Variants in PLXNA4 observed in about 807,000 individuals in gnomAD.
The protein encoded by PLXNA4 is plexin A4.
In PLXNA4, 44 loss-of-function variants were observed where a neutral mutation model predicts 191.8. That is an observed-to-expected ratio of 0.23 (90% confidence interval 0.18 to 0.29). The LOEUF is 0.29. Among genes scored for constraint, PLXNA4 ranks in the 10% least tolerant of loss-of-function variants. The pLI, the probability that PLXNA4 is intolerant of heterozygous loss-of-function variation, is 1.00. For missense variants in PLXNA4, 1,800 were observed against 2,488.8 expected (o/e 0.72, Z 5.89); for synonymous variants, 1,082 against 1,009.5 (o/e 1.07, Z -1.36).
At chr7:132,581,282 A>G (rs970693959), upstream of PLXNA4, among the ~76,000 whole-genome samples, 1 of 152,218 alleles carries the variant, frequency 6.6e-6, no homozygotes, top group African/African-American at 2.4e-5. Flanking sequence ...GTGTCACCAC[A>G]GGGCCTACTA....
chr7:132,311,272 T>A, intron 3 of PLXNA4, among the ~76,000 whole-genome samples: 1 of 151,260 alleles, frequency 6.6e-6, no homozygotes, highest in South Asian at 2.1e-4. Context: ...CATGGAAAAC[T>A]GAGAATCTCA....
chr7:132,228,176 T>TC (rs560670132), intron 6 of PLXNA4, among the ~76,000 whole-genome samples, 170 bp downstream of exon 6: 2 of 152,066 alleles, frequency 1.3e-5, no homozygotes, highest in African/African-American at 2.4e-5. Flanking sequence ...CCTTCTTGCA[T>TC]CCCCCCGTAG....
rs189540472 is a variant in PLXNA4, at chr7:132,207,159, T to C, written c.2299-3740A>G. On this transcript the variant is annotated intron_variant, in intron 10 of 31. Coordinates refer to ENST00000321063, the MANE Select transcript of PLXNA4 (RefSeq NM_020911.2). ...TAATGCCACACAAGAAGCTGGTATG[T>C]ACACTGTGTCCATCTCTAGTCCAGA... Among the ~76,000 whole-genome samples the C allele has an allele frequency of 2.4e-3, 362 of 152,362 alleles. 5 individuals carry two copies. The highest frequency in any genetic ancestry group is 8.2e-3 in the African/African-American group (343 of 41,592).
Position 132,193,541 on chromosome 7 carries a change from G to A in PLXNA4, c.2856+521C>T, listed in dbSNP as rs111681332. On this transcript the variant is annotated intron_variant, in intron 14 of 31. Coordinates refer to ENST00000321063, the MANE Select transcript of PLXNA4 (RefSeq NM_020911.2). The stretch of plus-strand genomic sequence containing the variant: ...AGGCCAGAAAATGGAAGCAATGGTG[G>A]CAACCACAGAAATAATAAAACAAAT... 1.8e-3 allele frequency among the ~76,000 whole-genome samples: 277 copies of A among 152,302 alleles called. 2 individuals are homozygous for A. Among genetic ancestry groups the A allele is most frequent in the African/African-American group, 6.4e-3 (268 of 41,560 alleles).
intron 20 of PLXNA4, among the ~76,000 whole-genome samples, chr7:132,176,422 T>C (rs1206988032): frequency 1.3e-5 from 2 of 152,090 alleles, no homozygotes; most frequent in Non-Finnish European, 2.9e-5. Context: ...GTGTCCTGAG[T>C]GAGGAACATG....
At chr7:132,192,544 G>C (rs1391847152) in intron 14 of PLXNA4, among the ~76,000 whole-genome samples, 1 of 151,508 alleles carries the variant, frequency 6.6e-6, no homozygotes, top group African/African-American at 2.4e-5. Context: ...ATGGAGGCGA[G>C]GGGTGGGGGT....
intron 3 of PLXNA4, among the ~76,000 whole-genome samples, chr7:132,399,421 T>C (rs997119163): frequency 6.6e-6 from 1 of 152,188 alleles, no homozygotes; most frequent in African/African-American, 2.4e-5. Context: ...GCTTATTTAG[T>C]AAATGTGAAT....
chr7:132,425,837 G>T (rs950601793), intron 3 of PLXNA4, among the ~76,000 whole-genome samples: 4 of 152,312 alleles, frequency 2.6e-5, no homozygotes, highest in Non-Finnish European at 4.4e-5. Context: ...GGAGCTGGGG[G>T]CTCTGGCCTG....
At chr7:132,386,532 A>G (rs144638827) in intron 3 of PLXNA4, among the ~76,000 whole-genome samples, 22 of 152,288 alleles carry the variant, frequency 1.4e-4, no homozygotes, top group Non-Finnish European at 2.5e-4. Context: ...ACATTCGAGT[A>G]AAATCATGCT....
intron 2 of PLXNA4, among the ~76,000 whole-genome samples, chr7:132,492,809 G>C (rs766956676): frequency 1.3e-5 from 2 of 152,190 alleles, no homozygotes; most frequent in African/African-American, 4.8e-5. Context: ...TTATTGGAGC[G>C]ATGGCACCTG....
rs71178032 is a variant in PLXNA4, at chr7:132,252,299, G to GTTT, written c.1504-11136_1504-11134dup. 6.5e-4 allele frequency among the ~76,000 whole-genome samples: 49 copies of GTTT among 75,344 alleles called. 1 individual carries two copies. Among genetic ancestry groups the GTTT allele is most frequent in the African/African-American group, 1.7e-3 (36 of 20,692 alleles). 49.4% of individuals were successfully genotyped at this position (75,344 alleles called of 152,430 possible). On this transcript the variant is annotated intron_variant, in intron 4 of 31. Coordinates refer to ENST00000321063, the MANE Select transcript of PLXNA4 (RefSeq NM_020911.2). ...TTGTTAAAATGACAGCATTCTAAAA[G>GTTT]TTTTTTTTTTTTTTTTTTTTTTTTT...
intron 25 of PLXNA4, among the ~76,000 whole-genome samples, chr7:132,150,217 G>A (rs1795555226): frequency 6.6e-6 from 1 of 152,238 alleles, no homozygotes; most frequent in Non-Finnish European, 1.5e-5. Context: ...AGGGGAAAAT[G>A]CCTCACTGAG....
chr7:132,450,928 G>A (rs985664848), intron 3 of PLXNA4, among the ~76,000 whole-genome samples: 11 of 152,110 alleles, frequency 7.2e-5, no homozygotes, highest in Non-Finnish European at 1.3e-4. Flanking sequence ...CTGCAGGGGT[G>A]GAATCTTTGA....
At position 132,508,602 on chromosome 7, in the gene PLXNA4, G is replaced by T. The variant is rs1480506891; in HGVS notation, c.92C>A (p.Ala31Asp). Residue 31 changes from alanine (A) to aspartate (D), a missense_variant, in exon 2 of 32, where the codon GCC (alanine) becomes GAC (aspartate). Ala to Asp is a moderately radical substitution (Grantham distance 126). Around this residue, in one of 6 missense-constraint regions of PLXNA4, gnomAD observed 1,397 missense variants for 1,880.4 expected, o/e 0.74. Transcript: ENST00000321063. The surrounding 1 kb of genome is among the most constrained non-coding windows in gnomAD (Gnocchi z 4.4). ...TGACCGCTGCTTCTGGGACAGCGGGGCTGGCTGCCGGGTGAGCAAAGTGGA... is the reference window on the plus strand; with the variant it reads ...TGACCGCTGCTTCTGGGACAGCGGGTCTGGCTGCCGGGTGAGCAAAGTGGA... ...GSSTLLTRQP[A>D]PLSQKQRSFV... The T allele has an allele frequency of 4.3e-6, 7 of 1,613,078 alleles. No homozygotes were observed. The East Asian group carries it at 1.1e-4, about 26-fold the overall frequency.
chr7:132,557,948 A>T (rs564851700), intron 1 of PLXNA4, among the ~76,000 whole-genome samples: 2 of 152,206 alleles, frequency 1.3e-5, no homozygotes, highest in African/African-American at 2.4e-5. Context: ...AGAGAGAGAG[A>T]GACAATCAAA....
intron 4 of PLXNA4, among the ~76,000 whole-genome samples, chr7:132,293,917 G>T (rs1168882383): frequency 2.0e-5 from 3 of 152,206 alleles, no homozygotes; most frequent in Non-Finnish European, 4.4e-5. Context: ...CTTGAGCCCA[G>T]ATCCATTTAG....
chr7:132,210,079 C>T (rs1370727815), intron 10 of PLXNA4, among the ~76,000 whole-genome samples: 2 of 152,228 alleles, frequency 1.3e-5, no homozygotes, highest in African/African-American at 4.8e-5. Flanking sequence ...TCTGCCCCTG[C>T]TTCCAGGCCT....
intron 22 of PLXNA4, among the ~76,000 whole-genome samples, chr7:132,166,499 T>A (rs955648825): frequency 3.3e-5 from 5 of 151,568 alleles, no homozygotes; most frequent in African/African-American, 1.2e-4. Flanking sequence ...AACTAGCCCA[T>A]CCAGGTATGT....
intron 2 of PLXNA4, among the ~76,000 whole-genome samples, chr7:132,644,560 G>A (rs879668161): frequency 2.9e-4 from 44 of 152,102 alleles, no homozygotes; most frequent in Admixed American, 2.1e-3. Context: ...CCAGAAAGGC[G>A]CATTTCAATT....
Sources: gnomAD v4.1 joint callset for allele counts (sites outside exome capture counted in the v4.1 genomes callset) on GRCh38, gnomAD v4.1.1 for gene constraint, gnomAD v4.1.1 regional missense constraint, Gnocchi (gnomAD v3.1) non-coding constraint, MANE v1.5 for transcripts, NCBI Gene and HGNC (gene_info 2026-07-23, HGNC 2026-07-21) for gene names.